The following DUSP5 variants were observed in gnomAD, a reference collection of about 807,000 sequenced individuals.
The protein encoded by DUSP5 is dual specificity protein phosphatase 5.
In DUSP5, 22 loss-of-function variants were observed where a neutral mutation model predicts 33.6. The ratio of observed to expected loss-of-function variants is 0.66; its 90% CI spans 0.47 to 0.94. DUSP5 has a LOEUF of 0.94. Ranked by LOEUF, DUSP5 falls within the 40% of genes least tolerant of loss-of-function variation. The pLI, the probability that DUSP5 is intolerant of heterozygous loss-of-function variation, is 0.00. For synonymous variants in DUSP5, 270 were observed against 231.1 expected, an observed-to-expected ratio of 1.17 and a Z score of -1.53; for missense variants, 551 against 522.1, an observed-to-expected ratio of 1.06 and a Z score of -0.54.
intron 2 of DUSP5, chr10:110,503,464 T>C (rs1860082180): frequency 6.6e-6 from 1 of 152,254 alleles, no homozygotes; most frequent in Non-Finnish European, 1.5e-5. Context: ...CAAAAGATAC[T>C]AGAGGGCTTC....
intron 3 of DUSP5, among the ~76,000 whole-genome samples, chr10:110,507,508 T>G (rs1028733139): frequency 1.3e-5 from 2 of 152,098 alleles, no homozygotes; most frequent in Non-Finnish European, 2.9e-5. Context: ...TGCTTCTACG[T>G]AGGTTGGGTT....
intron 3 of DUSP5, among the ~76,000 whole-genome samples, chr10:110,508,732 G>A (rs1380999655): frequency 2.6e-5 from 4 of 152,212 alleles, no homozygotes; most frequent in Admixed American, 2.0e-4. Flanking sequence ...ATAGGAGCCC[G>A]ACTCTGTAAT....
chr10:110,498,886 G>A (rs1371109040), intron 1 of DUSP5, among the ~76,000 whole-genome samples: 1 of 152,106 alleles, frequency 6.6e-6, no homozygotes, highest in African/African-American at 2.4e-5. Context: ...GATCTGGCGG[G>A]ATCAGCAGGT....
intron 1 of DUSP5, among the ~76,000 whole-genome samples, chr10:110,501,272 C>T (rs1490831460): frequency 6.6e-6 from 1 of 152,122 alleles, no homozygotes; most frequent in African/African-American, 2.4e-5. Context: ...GCCTATAGCA[C>T]CATCTTGCAC....
Position 110,506,980 on chromosome 10 carries a change from T to C in DUSP5, c.574T>C (p.Tyr192His). Residue 192 changes from tyrosine to histidine, a missense_variant, in exon 3 of 4, where the codon TAC becomes CAC. Tyr to His is a moderately conservative substitution (Grantham distance 83, BLOSUM62 2). Around this residue, in one of 3 missense-constraint regions of DUSP5, gnomAD observed 381 missense variants for 310.4 expected, o/e 1.23. Coordinates refer to ENST00000369583, the MANE Select transcript of DUSP5 (RefSeq NM_004419.4). ...TCCCTTCCTCTACCTTGGAAGTGCC[T>C]ACCATGCATCCAAGTGCGAGTTCCT... ...ILPFLYLGSA[Y>H]HASKCEFLAN... 1 of 1,614,248 alleles carries C rather than the reference T, an allele frequency of 6.2e-7. No homozygotes were observed.
intron 3 of DUSP5, among the ~76,000 whole-genome samples, chr10:110,509,281 G>A (rs1360853291): frequency 1.3e-5 from 2 of 152,206 alleles, no homozygotes; most frequent in Admixed American, 6.5e-5. Context: ...AACTGATGGT[G>A]GTAGCTTTAT....
At chr10:110,507,931 C>T (rs1860138099) in intron 3 of DUSP5, among the ~76,000 whole-genome samples, 1 of 152,204 alleles carries the variant, frequency 6.6e-6, no homozygotes, top group African/African-American at 2.4e-5. Context: ...TTTGCAAGTA[C>T]CAGTCTCTAA....
chr10:110,498,552 C>T (rs1238236424), intron 1 of DUSP5, 52 bp downstream of exon 1: 4 of 1,379,590 alleles, frequency 2.9e-6, no homozygotes, highest in East Asian at 3.0e-5. Flanking sequence ...CCCCGGGTCC[C>T]CTCCCTGCGC....
At chr10:110,507,310 A>G (rs1238213614) in intron 3 of DUSP5, among the ~76,000 whole-genome samples, 156 bp downstream of exon 3, 4 of 152,248 alleles carry the variant, frequency 2.6e-5, no homozygotes, top group African/African-American at 9.6e-5. Context: ...TGCAGCTACC[A>G]AAAAGGTGGA....
intron 1 of DUSP5, among the ~76,000 whole-genome samples, chr10:110,499,207 G>T (rs1234534620): frequency 1.3e-5 from 2 of 152,126 alleles, no homozygotes; most frequent in South Asian, 2.1e-4. Flanking sequence ...CGCGGGGGCA[G>T]GGTGGTATGG....
At chr10:110,507,299 A>G in intron 3 of DUSP5, 145 bp downstream of exon 3, 1 of 794,594 alleles carries the variant, frequency 1.3e-6, no homozygotes, top group Non-Finnish European at 1.9e-6. Context: ...CCAACATGGG[A>G]TGCAGCTACC....
chr10:110,498,405 A>G lies in DUSP5; in HGVS notation c.284A>G (p.His95Arg), dbSNP rs1486130002. 2.6e-6 allele frequency: 4 copies of G among 1,519,734 alleles called. No homozygotes were observed. In the African/African-American group the frequency reaches 5.7e-5, roughly 22 times the overall value. 94.1% of individuals were successfully genotyped at this position (1,519,734 alleles called of 1,614,324 possible). Residue 95 changes from histidine to arginine, a missense_variant, in exon 1 of 4, where the codon CAC becomes CGC. By Grantham distance (29) the His-to-Arg change is conservative (BLOSUM62 0). This residue lies in a region of DUSP5 where 381 missense variants were observed against 310.4 expected (regional missense o/e 1.23). Transcript: ENST00000369583. ...GTGGTGCTGGACCAGGGCAGCCGCCACTGGCAGAAGCTGCGAGAGGAGAGC... is the reference window on the plus strand; with the variant it reads ...GTGGTGCTGGACCAGGGCAGCCGCCGCTGGCAGAAGCTGCGAGAGGAGAGC... ...AVVVLDQGSR[H>R]WQKLREESAA...
Position 110,511,483 on chromosome 10 carries a change from GGTTGTT to G in DUSP5, c.*1067_*1072del, listed in dbSNP as rs3833737. 6 of 152,530 alleles carry G rather than the reference GGTTGTT, an allele frequency of 3.9e-5. No homozygotes were observed. Among genetic ancestry groups the G allele is most frequent in the Admixed American group, 6.5e-5 (1 of 15,268 alleles). 9.4% of individuals were successfully genotyped at this position (152,530 alleles called of 1,614,324 possible). A position where few individuals can be genotyped will look rare whatever the true frequency, so the allele number is the denominator to read the frequency against. ...ATGTGAAGAAAAGCAGTATGTTACTGGTTGTTGTTGTTGTTCTTGTTTTTTATAGTG... is the reference window on the plus strand; with the variant it reads ...ATGTGAAGAAAAGCAGTATGTTACTGGTTGTTGTTCTTGTTTTTTATAGTG... On this transcript the variant is annotated 3_prime_UTR_variant, in exon 4 of 4. Transcript: ENST00000369583.
In DUSP5 at chr10:110,498,211, C is replaced by A; in HGVS notation, c.90C>A (p.Pro30=). 2 of 1,511,928 alleles carry A rather than the reference C, an allele frequency of 1.3e-6. No homozygotes were observed. Among genetic ancestry groups the A allele is most frequent in the Non-Finnish European group, 1.8e-6 (2 of 1,130,274 alleles). 93.7% of individuals were successfully genotyped at this position (1,511,928 alleles called of 1,614,324 possible). The change falls in exon 1 of 4, where the codon CCC becomes CCA. Residue 30 remains proline, a synonymous_variant. Transcript: ENST00000369583. The part of the protein sequence containing the change: ...AARCVVLDCR[P]YLAFAASNVR... ...GCTGCGTGGTGCTCGACTGCCGGCCCTATCTGGCCTTCGCTGCCTCGAACG... is the reference window on the plus strand; with the variant it reads ...GCTGCGTGGTGCTCGACTGCCGGCCATATCTGGCCTTCGCTGCCTCGAACG...
At chr10:110,502,923 T>A in intron 2 of DUSP5, 54 bp downstream of exon 2, 1 of 1,603,942 alleles carries the variant, frequency 6.2e-7, no homozygotes, top group Non-Finnish European at 8.5e-7. Flanking sequence ...GGCTCCTGTC[T>A]CCCTTCCTTC....
intron 1 of DUSP5, among the ~76,000 whole-genome samples, chr10:110,500,293 G>A (rs142129764): frequency 1.4e-3 from 208 of 152,208 alleles, no homozygotes; most frequent in African/African-American, 4.5e-3. Context: ...GTTGCGTCCC[G>A]CCTCACTGCT....
Position 110,510,420 on chromosome 10 carries a change from C to T in DUSP5, c.1149C>T (p.Ser383=), listed in dbSNP as rs893025336. 25 of 1,580,684 alleles carry T rather than the reference C, an allele frequency of 1.6e-5. No individual in the cohort carries two copies. Among genetic ancestry groups the T allele is most frequent in the Non-Finnish European group, 2.2e-5 (25 of 1,161,254 alleles). The change falls in exon 4 of 4, where the codon TCC becomes TCT. Residue 383 remains serine (S), a synonymous_variant. Coordinates refer to ENST00000369583, the MANE Select transcript of DUSP5 (RefSeq NM_004419.4). ...GAAGCCCTGTGGCAACGGCCACATCCTGCTAAAACTGGGATGGAGGAATCG... is the reference window on the plus strand; with the variant it reads ...GAAGCCCTGTGGCAACGGCCACATCTTGCTAAAACTGGGATGGAGGAATCG... ...LSRSPVATAT[S]C is the part of the protein sequence containing the mutation.
Position 110,510,271 on chromosome 10 carries a change from G to C in DUSP5, c.1000G>C (p.Ala334Pro). The C allele has an allele frequency of 6.2e-7, 1 of 1,614,108 alleles. No homozygotes were observed. Among genetic ancestry groups the C allele is most frequent in the Admixed American group, 1.7e-5 (1 of 60,032 alleles). Residue 334 changes from alanine (A) to proline (P), a missense_variant, in exon 4 of 4, where the codon GCA becomes CCA. This residue lies in a region of DUSP5 where 158 missense variants were observed against 181.8 expected (regional missense o/e 0.87). Coordinates refer to ENST00000369583, the MANE Select transcript of DUSP5 (RefSeq NM_004419.4). Reference protein sequence around the residue: ...PQPPSCQGEAAGSSLIGHLQT... With the variant: ...PQPPSCQGEAPGSSLIGHLQT... Reference sequence around the variant, plus strand: ...GCCTCCCTCCTGCCAAGGGGAGGCAGCAGGCTCTTCACTGATAGGCCATTT... The same window carrying C: ...GCCTCCCTCCTGCCAAGGGGAGGCACCAGGCTCTTCACTGATAGGCCATTT...
At chr10:110,505,709 T>A (rs1198420819) in intron 2 of DUSP5, among the ~76,000 whole-genome samples, 1 of 152,218 alleles carries the variant, frequency 6.6e-6, no homozygotes, top group East Asian at 1.9e-4. Flanking sequence ...ACCCAGCCCC[T>A]TGTTTCCCTC....
Sources: gnomAD v4.1 joint callset for allele counts (sites outside exome capture counted in the v4.1 genomes callset) on GRCh38, gnomAD v4.1.1 for gene constraint, gnomAD v4.1.1 regional missense constraint, MANE v1.5 for transcripts, NCBI Gene and HGNC (gene_info 2026-07-23, HGNC 2026-07-21) for gene names.